Variants in RBFOX1 observed in about 807,000 individuals in gnomAD.
RBFOX1 encodes RNA binding fox-1 homolog 1.
A neutral mutation model predicts 57.7 loss-of-function variants in RBFOX1; 8 were observed. That is an observed-to-expected ratio of 0.14 (90% CI 0.08 to 0.25). The LOEUF is 0.25. Ranked by LOEUF, RBFOX1 falls within the 10% of genes least tolerant of loss-of-function variation. RBFOX1 has a pLI of 1.00. For synonymous variants in RBFOX1, 326 were observed against 222.4 expected (o/e 1.47, Z -4.15); for missense variants, 611 against 548.5 (o/e 1.11, Z -1.14).
intron 3 of RBFOX1, among the ~76,000 whole-genome samples, chr16:6,962,607 A>G (rs547990974): frequency 3.3e-5 from 5 of 152,186 alleles, no homozygotes; most frequent in South Asian, 2.1e-4. Context: ...ATGCCTACCT[A>G]TAATCCCAGG....
At chr16:5,749,216 G>A (rs1438418735) in intron 3 of RBFOX1, among the ~76,000 whole-genome samples, 1 of 152,126 alleles carries the variant, frequency 6.6e-6, no homozygotes, top group Non-Finnish European at 1.5e-5. Context: ...GGTTTGTAGA[G>A]TTTCTGCCGA....
chr16:6,354,074 G>T (rs564440884), intron 2 of RBFOX1, among the ~76,000 whole-genome samples: 7 of 152,088 alleles, frequency 4.6e-5, no homozygotes, highest in African/African-American at 1.4e-4. Flanking sequence ...ACAAAAATTA[G>T]CCAGGCCTGG....
intron 3 of RBFOX1, among the ~76,000 whole-genome samples, chr16:5,655,004 C>G (rs936909468): frequency 6.6e-6 from 1 of 152,202 alleles, no homozygotes; most frequent in Non-Finnish European, 1.5e-5. Flanking sequence ...GCCTTGCACA[C>G]TGGGTCCAGC....
At chr16:7,681,242 G>C (rs1278463407) in intron 14 of RBFOX1, among the ~76,000 whole-genome samples, 1 of 152,268 alleles carries the variant, frequency 6.6e-6, no homozygotes, top group Non-Finnish European at 1.5e-5. Context: ...TGGGTAGATG[G>C]ATAGATGGAG....
chr16:5,821,013 T>G (rs2055832967), intron 3 of RBFOX1, among the ~76,000 whole-genome samples: 1 of 152,144 alleles, frequency 6.6e-6, no homozygotes, highest in African/African-American at 2.4e-5. Flanking sequence ...CCACCAGTCC[T>G]CAAGTGCCTG....
intron 3 of RBFOX1, among the ~76,000 whole-genome samples, chr16:6,973,373 A>T (rs575141971): frequency 6.6e-6 from 1 of 152,324 alleles, no homozygotes; most frequent in East Asian, 1.9e-4. Flanking sequence ...CATTTCAGAG[A>T]TAATTCAACT....
chr16:6,750,249 C>G lies in RBFOX1; in HGVS notation c.-16+95599C>G, dbSNP rs13339381. Among the ~76,000 whole-genome samples the G allele has an allele frequency of 7.4e-3, 1,127 of 152,260 alleles. 14 individuals are homozygous for G. The highest frequency in any genetic ancestry group is 0.024 in the African/African-American group (1,013 of 41,542). ...TGAGGGCATTTGTTAAAGGTAAATT[C>G]ATCAATAGCTGTTAAGTCATTTGTA... On this transcript the variant is annotated intron_variant, in intron 3 of 15. Transcript: ENST00000550418.
chr16:7,076,123 C>G (rs1240483721), intron 4 of RBFOX1, among the ~76,000 whole-genome samples: 1 of 151,134 alleles, frequency 6.6e-6, no homozygotes, highest in Non-Finnish European at 1.5e-5. Context: ...CTCACTGCAA[C>G]CTCTGCCTCC....
chr16:6,544,293 T>G (rs993608914), intron 2 of RBFOX1, among the ~76,000 whole-genome samples: 2 of 152,170 alleles, frequency 1.3e-5, no homozygotes, highest in Non-Finnish European at 2.9e-5. Flanking sequence ...CTCATAACTT[T>G]GAATGGATTC....
chr16:7,341,714 C>G (rs910951350), intron 4 of RBFOX1, among the ~76,000 whole-genome samples: 6 of 148,776 alleles, frequency 4.0e-5, no homozygotes, highest in African/African-American at 1.5e-4. Flanking sequence ...TTCCTTCCTT[C>G]CTTCCCTCCC....
At chr16:7,692,836 C>A (rs943293480) in intron 14 of RBFOX1, among the ~76,000 whole-genome samples, 1 of 151,994 alleles carries the variant, frequency 6.6e-6, no homozygotes, top group South Asian at 2.1e-4. Context: ...AAATTATTAT[C>A]CATAACACAT....
intron 2 of RBFOX1, among the ~76,000 whole-genome samples, chr16:6,481,176 G>T (rs1389227882): frequency 6.6e-6 from 1 of 152,168 alleles, no homozygotes; most frequent in African/African-American, 2.4e-5. Flanking sequence ...CTTGGTTTGG[G>T]AGGTTGCATC....
chr16:5,538,046 C>T (rs1213630721), intron 2 of RBFOX1, among the ~76,000 whole-genome samples: 1 of 152,084 alleles, frequency 6.6e-6, no homozygotes, highest in Admixed American at 6.6e-5. Context: ...TCTTTGGTGA[C>T]ACACGAGCCT....
At chr16:5,371,863 C>CT (rs2065865718) in intron 1 of RBFOX1, among the ~76,000 whole-genome samples, 1 of 152,230 alleles carries the variant, frequency 6.6e-6, no homozygotes, top group Non-Finnish European at 1.5e-5. Context: ...TCCATGGTTA[C>CT]TTGACCTCTG....
intron 4 of RBFOX1, among the ~76,000 whole-genome samples, chr16:7,504,781 ATATATT>A (rs1473724952): frequency 1.6e-4 from 3 of 19,116 alleles, no homozygotes; most frequent in African/African-American, 2.5e-4. Flanking sequence ...TTATATATAT[ATATATT>A]TATATATATA....
chr16:6,447,947 G>T (rs1029228055), intron 2 of RBFOX1, among the ~76,000 whole-genome samples: 3 of 148,816 alleles, frequency 2.0e-5, no homozygotes, highest in East Asian at 2.0e-4. Context: ...TTAATTATCT[G>T]TGTTACAATA....
intron 1 of RBFOX1, among the ~76,000 whole-genome samples, chr16:6,276,632 C>T (rs538640445): frequency 6.6e-5 from 10 of 152,230 alleles, no homozygotes; most frequent in African/African-American, 1.4e-4. Flanking sequence ...CATGAGCCTC[C>T]GCGCCCGGCT....
chr16:7,595,775 T>TA, intron 8 of RBFOX1, 134 bp downstream of exon 8: 2 of 351,664 alleles, frequency 5.7e-6, no homozygotes, highest in Non-Finnish European at 8.8e-6. Flanking sequence ...TATATATATA[T>TA]TTTTATATAT....
intron 3 of RBFOX1, among the ~76,000 whole-genome samples, chr16:6,782,123 C>T (rs779298824): frequency 6.6e-6 from 1 of 152,122 alleles, no homozygotes; most frequent in Admixed American, 6.6e-5. Flanking sequence ...TCTCCTGCCT[C>T]AGCCTCCCGA....
Sources: gnomAD v4.1 joint callset for allele counts (sites outside exome capture counted in the v4.1 genomes callset) on GRCh38, gnomAD v4.1.1 for gene constraint, MANE v1.5 for transcripts, NCBI Gene and HGNC (gene_info 2026-07-23, HGNC 2026-07-21) for gene names.